The following DOCK1 variants were observed in gnomAD, a reference collection of about 807,000 sequenced individuals.
The protein encoded by DOCK1 is dedicator of cytokinesis 1.
A neutral mutation model predicts 262.7 loss-of-function variants in DOCK1; 138 were observed. The ratio of observed to expected loss-of-function variants is 0.53; its 90% CI spans 0.46 to 0.61. The LOEUF (loss-of-function observed/expected upper bound fraction) is 0.61. Ranked by LOEUF, DOCK1 falls within the 20% of genes least tolerant of loss-of-function variation. The pLI is 0.00. For missense variants in DOCK1, 1,908 were observed against 2,370.7 expected, an observed-to-expected ratio of 0.80 and a Z score of 4.05; for synonymous variants, 866 against 867.4, an observed-to-expected ratio of 1.00 and a Z score of 0.03.
chr10:127,431,058 C>T (rs2069250623), intron 47 of DOCK1, among the ~76,000 whole-genome samples: 1 of 151,842 alleles, frequency 6.6e-6, no homozygotes, highest in Non-Finnish European at 1.5e-5. Flanking sequence ...GGGAAGACTG[C>T]TCCCTGTGTG....
At chr10:126,973,800 A>G (rs529105483) in intron 2 of DOCK1, among the ~76,000 whole-genome samples, 2 of 152,208 alleles carry the variant, frequency 1.3e-5, no homozygotes, top group Admixed American at 1.3e-4. Flanking sequence ...CATGGCTTGT[A>G]TTAGAGTCTG....
At chr10:127,384,413 T>C (rs1003418951) in intron 37 of DOCK1, among the ~76,000 whole-genome samples, 1 of 152,196 alleles carries the variant, frequency 6.6e-6, no homozygotes, top group Non-Finnish European at 1.5e-5. Flanking sequence ...TTGCTGTTGA[T>C]TAAAATGCCA....
At chr10:127,113,723 C>T (rs1235661569) in intron 25 of DOCK1, among the ~76,000 whole-genome samples, 1 of 152,150 alleles carries the variant, frequency 6.6e-6, no homozygotes, top group African/African-American at 2.4e-5. Context: ...CAAGACAGCT[C>T]TGTGTGGTCC....
At chr10:127,185,490 C>T (rs1286049949) in intron 27 of DOCK1, among the ~76,000 whole-genome samples, 6 of 152,204 alleles carry the variant, frequency 3.9e-5, no homozygotes, top group Non-Finnish European at 5.9e-5. Context: ...TGCACCACTG[C>T]ACTCCAGCAA....
intron 27 of DOCK1, among the ~76,000 whole-genome samples, chr10:127,145,570 G>A (rs901430686): frequency 3.9e-5 from 6 of 152,144 alleles, no homozygotes; most frequent in Admixed American, 1.3e-4. Context: ...TGAGTCCCTC[G>A]TGGCCAACCC....
At chr10:127,247,713 G>A (rs2059478871) in intron 27 of DOCK1, among the ~76,000 whole-genome samples, 1 of 152,176 alleles carries the variant, frequency 6.6e-6, no homozygotes, top group Non-Finnish European at 1.5e-5. Context: ...TCTCATTCAT[G>A]TTACTGTGTA....
rs140920373 is a variant in DOCK1 at position 126,982,291 on chromosome 10, A to G, written c.227+318A>G. ...ACTGACTTCATTTGGCAGAGACTCC[A>G]AAGCCCCCCAGCTCTGAGTCCCCTT... On this transcript the variant is annotated intron_variant, in intron 4 of 51. Transcript: ENST00000623213. Among the ~76,000 whole-genome samples the G allele has an allele frequency of 2.4e-4, 37 of 152,336 alleles. No homozygotes were observed. In the East Asian group the frequency reaches 7.1e-3, roughly 29 times the overall value.
intron 1 of DOCK1, among the ~76,000 whole-genome samples, chr10:126,938,976 C>T (rs1169170100): frequency 7.1e-5 from 5 of 69,988 alleles, no homozygotes; most frequent in South Asian, 5.4e-4. Flanking sequence ...GGACAAACAC[C>T]GGGGGGGATG....
intron 38 of DOCK1, among the ~76,000 whole-genome samples, chr10:127,386,155 C>T (rs1030242240): frequency 2.6e-5 from 4 of 152,294 alleles, no homozygotes; most frequent in Admixed American, 2.0e-4. Flanking sequence ...TGGGATTCTG[C>T]TCACATTTGG....
In DOCK1 at chr10:127,024,686, A is replaced by G. The variant is rs764269961; in HGVS notation, c.1454A>G (p.His485Arg). Residue 485 changes from histidine (H) to arginine (R), a missense_variant and splice_region_variant, in exon 15 of 52, where the codon CAT (histidine) becomes CGT (arginine). His to Arg is a conservative substitution (Grantham distance 29). This residue lies in a region of DOCK1 where 294 missense variants were observed against 439.9 expected (regional missense o/e 0.67). Transcript: ENST00000623213. The stretch of plus-strand genomic sequence containing the variant: ...AGCTCTTTATGTCTTCTTTTAAAGC[A>G]TGTGATTTTCCCGGGTGCTGGTGAT... ...VYDEDGKRLE[H>R]VIFPGAGDEA... 3 of 1,608,794 alleles carry G rather than the reference A, an allele frequency of 1.9e-6. No homozygotes were observed. The highest frequency in any genetic ancestry group is 1.7e-6 in the Non-Finnish European group (2 of 1,177,688).
chr10:127,232,256 G>A (rs1590047883), intron 27 of DOCK1, among the ~76,000 whole-genome samples: 1 of 152,304 alleles, frequency 6.6e-6, no homozygotes, highest in African/African-American at 2.4e-5. Flanking sequence ...CATTTCAGGA[G>A]TGGAAGAATC....
At chr10:127,393,463 G>A (rs181563095) in intron 38 of DOCK1, among the ~76,000 whole-genome samples, 357 of 152,230 alleles carry the variant, frequency 2.3e-3, no homozygotes, top group African/African-American at 8.3e-3. Flanking sequence ...CGGGAAATAG[G>A]GGCTTCCAGA....
At chr10:127,174,704 A>G (rs1468997695) in intron 27 of DOCK1, among the ~76,000 whole-genome samples, 1 of 152,162 alleles carries the variant, frequency 6.6e-6, no homozygotes, top group East Asian at 1.9e-4. Context: ...CTATGATGTA[A>G]AGCCTTGTAC....
intron 29 of DOCK1, among the ~76,000 whole-genome samples, chr10:127,288,773 TCACACACACACACA>T (rs3221847): frequency 2.8e-5 from 4 of 143,426 alleles, no homozygotes; most frequent in Non-Finnish European, 4.6e-5. Context: ...TGTATATATT[TCACACACACACACA>T]CACACACACA....
rs573716602 is a variant in DOCK1 at position 126,982,818 on chromosome 10, A to G, written c.227+845A>G. Reference sequence around the variant, plus strand: ...TAGACAGATAAAGTGTTTTGTATGCAAAGTTTTAAAGGGAAGAAAAAGAAA... The same window carrying G: ...TAGACAGATAAAGTGTTTTGTATGCGAAGTTTTAAAGGGAAGAAAAAGAAA... On this transcript the variant is annotated intron_variant, in intron 4 of 51. Coordinates refer to ENST00000623213, the MANE Select transcript of DOCK1 (RefSeq NM_001290223.2). Among the ~76,000 whole-genome samples the G allele has an allele frequency of 2.6e-5, 4 of 152,344 alleles. No homozygotes were observed. In the East Asian group the frequency reaches 7.7e-4, roughly 29 times the overall value.
At chr10:127,107,757 G>T (rs923059151) in intron 24 of DOCK1, among the ~76,000 whole-genome samples, 6 of 152,192 alleles carry the variant, frequency 3.9e-5, no homozygotes, top group African/African-American at 1.4e-4. Context: ...TGCTTCCAGG[G>T]CTCTCTCATA....
At chr10:127,058,085 A>G (rs1246876025) in intron 22 of DOCK1, among the ~76,000 whole-genome samples, 1 of 152,186 alleles carries the variant, frequency 6.6e-6, no homozygotes. Context: ...TTTAACAGTG[A>G]TCTTTTGTTA....
Position 127,110,234 on chromosome 10 carries a change from G to A in DOCK1, c.2517-14G>A. ...TGTGTCTCAAAATTATTTCCCTTGT[G>A]TTTTTCCTCACAGCAAAATGTTTAC... is the stretch of plus-strand genomic sequence containing the variant. On this transcript the variant is annotated splice_polypyrimidine_tract_variant and intron_variant, in intron 24 of 51. Transcript: ENST00000623213. The A allele has an allele frequency of 1.2e-6, 2 of 1,605,084 alleles. No homozygotes were observed.
chr10:126,949,474 G>C (rs1458682294), intron 1 of DOCK1, among the ~76,000 whole-genome samples: 13 of 152,250 alleles, frequency 8.5e-5, no homozygotes, highest in Admixed American at 5.9e-4. Flanking sequence ...GTGAGGGAGG[G>C]TTGGTCCTAT....
Sources: allele counts gnomAD v4.1 joint callset (sites outside exome capture counted in the v4.1 genomes callset), GRCh38; gene constraint gnomAD v4.1.1; regional missense constraint gnomAD v4.1.1; transcripts MANE v1.5; gene names NCBI Gene and HGNC (gene_info 2026-07-23, HGNC 2026-07-21).